Variants in DGKB observed in about 807,000 individuals in gnomAD.
DGKB encodes diacylglycerol kinase beta.
A neutral mutation model predicts 114.3 loss-of-function variants in DGKB; 67 were observed. That is an observed-to-expected ratio of 0.59 (90% confidence interval 0.48 to 0.72). The LOEUF (loss-of-function observed/expected upper bound fraction) is 0.72. Ranked by LOEUF, DGKB falls within the 30% of genes least tolerant of loss-of-function variation. DGKB has a pLI of 0.00. For synonymous variants in DGKB, 398 were observed against 323.1 expected (o/e 1.23, Z -2.49); for missense variants, 907 against 975.2 (o/e 0.93, Z 0.93).
intron 21 of DGKB, among the ~76,000 whole-genome samples, chr7:14,446,143 C>G (rs59778011): frequency 0.1 from 15,371 of 152,068 alleles, 884 homozygotes; most frequent in East Asian, 0.22. Context: ...TTCATGAAGG[C>G]AATTCCCTTT....
chr7:14,938,369 G>T (rs36876), intron 1 of DGKB, among the ~76,000 whole-genome samples: 1 of 152,068 alleles, frequency 6.6e-6, no homozygotes, highest in Non-Finnish European at 1.5e-5. Flanking sequence ...GTTTAAGATG[G>T]ACTGATAACA....
chr7:14,913,719 G>C (rs961201163), intron 1 of DGKB, among the ~76,000 whole-genome samples: 2 of 151,944 alleles, frequency 1.3e-5, no homozygotes, highest in Non-Finnish European at 2.9e-5. Context: ...AGGATGACTT[G>C]CTAGATAAAA....
chr7:14,962,778 T>G (rs1434279030), intron 1 of DGKB, among the ~76,000 whole-genome samples: 1 of 152,086 alleles, frequency 6.6e-6, no homozygotes, highest in Non-Finnish European at 1.5e-5. Context: ...TTTTCCATTT[T>G]AATATTTTCA....
At chr7:14,444,623 A>G (rs143407240) in intron 21 of DGKB, among the ~76,000 whole-genome samples, 1 of 151,978 alleles carries the variant, frequency 6.6e-6, no homozygotes, top group African/African-American at 2.4e-5. Flanking sequence ...ATAACATCTG[A>G]TGTTTATTGA....
intron 12 of DGKB, among the ~76,000 whole-genome samples, chr7:14,678,254 CA>C (rs1294784153): frequency 1.3e-5 from 2 of 152,050 alleles, no homozygotes; most frequent in Admixed American, 6.6e-5. Context: ...CCACAGTTAA[CA>C]GTGCAAACGA....
intron 4 of DGKB, among the ~76,000 whole-genome samples, chr7:14,741,549 C>A (rs1238379620): frequency 2.0e-5 from 3 of 152,100 alleles, no homozygotes; most frequent in African/African-American, 7.2e-5. Flanking sequence ...TGGGATCAAT[C>A]CTGGCTTAGG....
chr7:14,597,832 G>C (rs1802856592), intron 17 of DGKB, among the ~76,000 whole-genome samples: 1 of 152,094 alleles, frequency 6.6e-6, no homozygotes, highest in African/African-American at 2.4e-5. Flanking sequence ...TTACATGTGT[G>C]TGTGTGTGCA....
chr7:14,548,835 A>G (rs1463982604), intron 20 of DGKB, among the ~76,000 whole-genome samples: 1 of 152,088 alleles, frequency 6.6e-6, no homozygotes, highest in Non-Finnish European at 1.5e-5. Flanking sequence ...GACTATATAA[A>G]TAAAAACAGA....
chr7:14,957,123 A>G (rs1189984506), intron 1 of DGKB, among the ~76,000 whole-genome samples: 1 of 152,026 alleles, frequency 6.6e-6, no homozygotes, highest in Non-Finnish European at 1.5e-5. Flanking sequence ...ATCTAATTAA[A>G]TCGAATATCC....
At chr7:14,263,371 T>A (rs1384757479) in intron 23 of DGKB, among the ~76,000 whole-genome samples, 1 of 152,188 alleles carries the variant, frequency 6.6e-6, no homozygotes, top group Non-Finnish European at 1.5e-5. Flanking sequence ...GATGAACCTT[T>A]GCTTTTTAAA....
At chr7:14,328,695 T>C (rs2128553191) in intron 23 of DGKB, among the ~76,000 whole-genome samples, 1 of 152,114 alleles carries the variant, frequency 6.6e-6, no homozygotes, top group South Asian at 2.1e-4. Context: ...TATGGGATAA[T>C]TAAAATAACA....
intron 21 of DGKB, among the ~76,000 whole-genome samples, chr7:14,396,264 C>A (rs1385023757): frequency 6.6e-6 from 1 of 151,952 alleles, no homozygotes; most frequent in Non-Finnish European, 1.5e-5. Flanking sequence ...CAATTAATTT[C>A]AAGGTGAAAT....
intron 2 of DGKB, among the ~76,000 whole-genome samples, chr7:14,811,892 G>A (rs1419867652): frequency 8.3e-6 from 1 of 120,890 alleles, no homozygotes; most frequent in South Asian, 2.6e-4. Context: ...TGTATCTTTA[G>A]AACTTTTTTA....
intron 23 of DGKB, among the ~76,000 whole-genome samples, chr7:14,319,489 T>C (rs989349655): frequency 6.6e-5 from 10 of 152,190 alleles, no homozygotes; most frequent in Non-Finnish European, 1.5e-4. Context: ...TTTAAATGAA[T>C]ACATATTTTA....
chr7:14,311,761 T>C (rs1460601627), intron 23 of DGKB, among the ~76,000 whole-genome samples: 1 of 152,226 alleles, frequency 6.6e-6, no homozygotes, highest in Admixed American at 6.5e-5. Flanking sequence ...CTAACATTTA[T>C]ATTGTCAGAA....
chr7:14,832,218 A>T (rs1846518198), intron 2 of DGKB, among the ~76,000 whole-genome samples: 1 of 152,096 alleles, frequency 6.6e-6, no homozygotes, highest in Non-Finnish European at 1.5e-5. Context: ...CTAACAAGTT[A>T]AGGAAATAAA....
chr7:14,655,571 T>C (rs1044935827), intron 13 of DGKB, among the ~76,000 whole-genome samples: 7 of 151,692 alleles, frequency 4.6e-5, no homozygotes, highest in Middle Eastern at 6.3e-3. Flanking sequence ...TGTATCAAAG[T>C]GACATCTTCA....
At chr7:14,882,595 C>A (rs1448649097) in intron 1 of DGKB, among the ~76,000 whole-genome samples, 1 of 151,932 alleles carries the variant, frequency 6.6e-6, no homozygotes, top group Non-Finnish European at 1.5e-5. Flanking sequence ...CTCTTCCCAT[C>A]CCTTCTCCCT....
chr7:14,208,510 G>A (rs1787205836), intron 23 of DGKB, among the ~76,000 whole-genome samples: 1 of 151,964 alleles, frequency 6.6e-6, no homozygotes, highest in African/African-American at 2.4e-5. Context: ...GCAAGGGATT[G>A]TAAACAGCCT....
Sources: gnomAD v4.1 joint callset for allele counts (sites outside exome capture counted in the v4.1 genomes callset) on GRCh38, gnomAD v4.1.1 for gene constraint, MANE v1.5 for transcripts, NCBI Gene and HGNC (gene_info 2026-07-23, HGNC 2026-07-21) for gene names.